Variants in CSMD2 observed in about 807,000 individuals in gnomAD.
The protein encoded by CSMD2 is CUB and sushi domain-containing protein 2.
CSMD2 carries 130 observed loss-of-function variants against 398.5 expected under a neutral mutation model. The observed-to-expected ratio is 0.33, with a 90% CI of 0.28 to 0.38. The LOEUF is 0.38. Ranked by LOEUF, CSMD2 falls within the 10% of genes least tolerant of loss-of-function variation. The pLI, the probability that CSMD2 is intolerant of heterozygous loss-of-function variation, is 1.00. For synonymous variants in CSMD2, 1,828 were observed against 1,908.5 expected (o/e 0.96, Z 1.10); for missense variants, 3,829 against 4,764.9 (o/e 0.80, Z 5.78).
intron 22 of CSMD2, among the ~76,000 whole-genome samples, chr1:33,703,841 T>A (rs1645689709): frequency 6.6e-6 from 1 of 152,210 alleles, no homozygotes; most frequent in South Asian, 2.1e-4. Context: ...TGATACTTGG[T>A]ATTTTAGGGC....
intron 44 of CSMD2, among the ~76,000 whole-genome samples, chr1:33,591,429 T>C (rs187215919): frequency 1.3e-5 from 2 of 152,330 alleles, no homozygotes; most frequent in Admixed American, 1.3e-4. Flanking sequence ...TCCTTTGCCT[T>C]TGTTTCTTGT....
At chr1:34,083,081 T>TA (rs10711037) in intron 2 of CSMD2, among the ~76,000 whole-genome samples, 4,343 of 128,110 alleles carry the variant, frequency 0.034, 95 homozygotes, top group African/African-American at 0.069. Context: ...CTAAAAAAAT[T>TA]AAAAAAAAAA....
chr1:33,978,562 G>A (rs1051708233), intron 3 of CSMD2, among the ~76,000 whole-genome samples: 1 of 152,120 alleles, frequency 6.6e-6, no homozygotes, highest in African/African-American at 2.4e-5. Context: ...GGCAGAGAGA[G>A]GTCTAAGTTT....
At position 33,940,304 on chromosome 1, in the gene CSMD2, C is replaced by T. The variant is rs528482490; in HGVS notation, c.518-4350G>A. Among the ~76,000 whole-genome samples the T allele has an allele frequency of 2.4e-3, 368 of 152,238 alleles. 1 individual carries two copies. The highest frequency in any genetic ancestry group is 4.7e-3 in the Admixed American group (72 of 15,306). On this transcript the variant is annotated intron_variant, in intron 3 of 70. Coordinates refer to ENST00000373381, the MANE Select transcript of CSMD2 (RefSeq NM_001281956.2). ...GACCTCATCCTAACTTAATCATCTG[C>T]AAAGACCCTGTTCCAAATGAGGTCA...
chr1:33,660,892 A>G (rs1356012885), intron 26 of CSMD2, among the ~76,000 whole-genome samples: 1 of 152,210 alleles, frequency 6.6e-6, no homozygotes, highest in East Asian at 1.9e-4. Flanking sequence ...TGGGATGTCA[A>G]GTAGGTGCCC....
chr1:33,943,818 A>C (rs193174710), intron 3 of CSMD2, among the ~76,000 whole-genome samples: 1 of 151,996 alleles, frequency 6.6e-6, no homozygotes, highest in East Asian at 1.9e-4. Context: ...CTAGCATTTG[A>C]TTTCATGTCT....
intron 55 of CSMD2, among the ~76,000 whole-genome samples, chr1:33,551,259 T>C (rs777121924): frequency 1.3e-5 from 2 of 151,876 alleles, no homozygotes; most frequent in Admixed American, 6.6e-5. Context: ...AAGACAAGGG[T>C]GGAGAGGTCA....
intron 3 of CSMD2, among the ~76,000 whole-genome samples, chr1:33,988,351 TG>T (rs1646431887): frequency 6.6e-6 from 1 of 152,156 alleles, no homozygotes; most frequent in Admixed American, 6.5e-5. Context: ...AGGGAGTGTC[TG>T]AGAAGCTGGG....
In CSMD2 at chr1:33,845,086, A is replaced by AT. The variant is rs879396201; in HGVS notation, c.1033+1797dup. ...AGATATATGCTTATACTGGGTTGTG[A>AT]TTTTGTTTTTTACAGTGGGGTGGGA... On this transcript the variant is annotated intron_variant, in intron 6 of 70. Coordinates refer to ENST00000373381, the MANE Select transcript of CSMD2 (RefSeq NM_001281956.2). Among the ~76,000 whole-genome samples, 762 of 151,520 alleles carry AT rather than the reference A, an allele frequency of 5.0e-3. 1 individual carries two copies. The highest frequency in any genetic ancestry group is 9.9e-3 in the Admixed American group (150 of 15,202).
intron 5 of CSMD2, among the ~76,000 whole-genome samples, chr1:33,851,155 A>G (rs1558002875): frequency 6.6e-6 from 1 of 152,166 alleles, no homozygotes; most frequent in Admixed American, 6.5e-5. Context: ...CACCAAGCAC[A>G]TATTTTGTAA....
chr1:33,720,219 G>C (rs1223859917), intron 19 of CSMD2, among the ~76,000 whole-genome samples: 1 of 152,188 alleles, frequency 6.6e-6, no homozygotes, highest in African/African-American at 2.4e-5. Flanking sequence ...TTATGTGCCG[G>C]GCATAGAGCC....
At chr1:33,579,598 C>A (rs1232955768) in intron 48 of CSMD2, among the ~76,000 whole-genome samples, 1 of 152,046 alleles carries the variant, frequency 6.6e-6, no homozygotes, top group Non-Finnish European at 1.5e-5. Context: ...AAGTAGGAGA[C>A]CCATGAGAAG....
intron 13 of CSMD2, among the ~76,000 whole-genome samples, chr1:33,759,264 G>T (rs473853): frequency 2.7e-5 from 4 of 150,798 alleles, no homozygotes; most frequent in African/African-American, 7.4e-5. Context: ...CATGGGATGA[G>T]GGGGAGAGAG....
intron 13 of CSMD2, among the ~76,000 whole-genome samples, chr1:33,762,939 A>T (rs1030281605): frequency 6.6e-6 from 1 of 152,152 alleles, no homozygotes; most frequent in African/African-American, 2.4e-5. Context: ...GTAATGTGGG[A>T]GTACTGGACC....
At chr1:33,951,058 C>T (rs1456661626) in intron 3 of CSMD2, among the ~76,000 whole-genome samples, 1 of 152,224 alleles carries the variant, frequency 6.6e-6, no homozygotes, top group Non-Finnish European at 1.5e-5. Flanking sequence ...CCTTGGTCCT[C>T]TATCTGACAA....
chr1:33,844,197 G>C (rs1661135484), intron 6 of CSMD2, among the ~76,000 whole-genome samples: 1 of 152,184 alleles, frequency 6.6e-6, no homozygotes, highest in African/African-American at 2.4e-5. Flanking sequence ...TATTCCTTCA[G>C]AGTAGTAGTT....
chr1:33,537,636 G>A lies in CSMD2; in HGVS notation c.9632-27C>T. ...TGGGAAGACGAAGGGAGAAAGGCAGGTCTAAGTTGCTTTCCAGAACCCAAT... is the reference window on the plus strand; with the variant it reads ...TGGGAAGACGAAGGGAGAAAGGCAGATCTAAGTTGCTTTCCAGAACCCAAT... On this transcript the variant is annotated intron_variant, in intron 60 of 70. Coordinates refer to ENST00000373381, the MANE Select transcript of CSMD2 (RefSeq NM_001281956.2). The surrounding 1 kb of genome is among the most constrained non-coding windows in gnomAD (Gnocchi z 4.6). 1.3e-6 allele frequency: 2 copies of A among 1,589,436 alleles called. No homozygotes were observed. The highest frequency in any genetic ancestry group is 1.7e-6 in the Non-Finnish European group (2 of 1,166,054).
chr1:34,023,692 C>A (rs971302313), intron 3 of CSMD2, among the ~76,000 whole-genome samples: 17 of 152,128 alleles, frequency 1.1e-4, no homozygotes, highest in African/African-American at 3.9e-4. Flanking sequence ...TTACTGAGTG[C>A]CTACTATGTG....
chr1:33,733,549 C>A (rs1646786692), intron 15 of CSMD2, among the ~76,000 whole-genome samples: 1 of 152,112 alleles, frequency 6.6e-6, no homozygotes, highest in Non-Finnish European at 1.5e-5. Flanking sequence ...GGCTCTGTGT[C>A]CCCACCCAAA....
Sources: allele counts gnomAD v4.1 joint callset (sites outside exome capture counted in the v4.1 genomes callset), GRCh38; gene constraint gnomAD v4.1.1; non-coding constraint Gnocchi (gnomAD v3.1); transcripts MANE v1.5; gene names NCBI Gene and HGNC (gene_info 2026-07-23, HGNC 2026-07-21).